The following DLGAP1 variants were observed in gnomAD, a reference collection of about 807,000 sequenced individuals.
DLGAP1 encodes disks large-associated protein 1.
DLGAP1 carries 11 observed loss-of-function variants against 90.8 expected under a neutral mutation model. The ratio of observed to expected loss-of-function variants is 0.12; its 90% confidence interval spans 0.08 to 0.20. The LOEUF (loss-of-function observed/expected upper bound fraction) is 0.20. Ranked by LOEUF, DLGAP1 falls within the 10% of genes least tolerant of loss-of-function variation. The pLI is 1.00. For synonymous variants in DLGAP1, 558 were observed against 540.7 expected (o/e 1.03, Z -0.44); for missense variants, 1,050 against 1,333.8 (o/e 0.79, Z 3.31).
intron 1 of DLGAP1, among the ~76,000 whole-genome samples, chr18:4,269,452 C>T (rs1195976364): frequency 6.6e-6 from 1 of 151,188 alleles, no homozygotes; most frequent in Non-Finnish European, 1.5e-5. Flanking sequence ...CTGCCGGGCT[C>T]ACGCCATTCT....
At chr18:4,092,463 G>C (rs1368747387) in intron 2 of DLGAP1, among the ~76,000 whole-genome samples, 1 of 152,176 alleles carries the variant, frequency 6.6e-6, no homozygotes, top group Admixed American at 6.5e-5. Flanking sequence ...TCTCCCATGA[G>C]AGATGGTTTC....
chr18:4,226,102 T>C (rs1195761824), intron 1 of DLGAP1, among the ~76,000 whole-genome samples: 1 of 152,182 alleles, frequency 6.6e-6, no homozygotes, highest in East Asian at 1.9e-4. Context: ...AGCAGACTTT[T>C]CAGTGGAAAC....
At chr18:3,589,908 AG>A (rs1237787098) in intron 7 of DLGAP1, among the ~76,000 whole-genome samples, 1 of 152,108 alleles carries the variant, frequency 6.6e-6, no homozygotes, top group Non-Finnish European at 1.5e-5. Context: ...CTCAAAAAGA[AG>A]GCCTTTATTT....
chr18:3,514,466 C>T (rs532069466), intron 10 of DLGAP1, among the ~76,000 whole-genome samples: 1 of 152,306 alleles, frequency 6.6e-6, no homozygotes, highest in Non-Finnish European at 1.5e-5. Flanking sequence ...AAGGTTACTA[C>T]GGTAGATATG....
chr18:4,172,403 C>T (rs1418582447), intron 1 of DLGAP1, among the ~76,000 whole-genome samples: 1 of 152,182 alleles, frequency 6.6e-6, no homozygotes, highest in Non-Finnish European at 1.5e-5. Flanking sequence ...GTCTTGTACA[C>T]AGGCAACTTT....
At chr18:3,683,978 G>A (rs939513066) in intron 7 of DLGAP1, among the ~76,000 whole-genome samples, 1 of 151,996 alleles carries the variant, frequency 6.6e-6, no homozygotes, top group Non-Finnish European at 1.5e-5. Flanking sequence ...TTAAATAAGG[G>A]CACAGAGAAC....
At position 3,499,133 on chromosome 18, in the gene DLGAP1, C is replaced by T. The variant is rs2049794123; in HGVS notation, c.*52G>A. 8 of 1,448,048 alleles carry T rather than the reference C, an allele frequency of 5.5e-6. No homozygotes were observed. The South Asian group carries it at 8.1e-5, about 15-fold the overall frequency. 89.7% of individuals were successfully genotyped at this position (1,448,048 alleles called of 1,614,324 possible). ...GGAGAGGCAGCCGGCAGAGGAGCGGCCGGGGGAGGAGGGGACAGATGCTTG... is the reference window on the plus strand; with the variant it reads ...GGAGAGGCAGCCGGCAGAGGAGCGGTCGGGGGAGGAGGGGACAGATGCTTG... On this transcript the variant is annotated 3_prime_UTR_variant, in exon 13 of 13. Coordinates refer to ENST00000315677, the MANE Select transcript of DLGAP1 (RefSeq NM_004746.4). This position sits in a 1 kb window ranked among gnomAD's most constrained non-coding sequence, Gnocchi z 6.4.
At chr18:3,654,333 C>A (rs996065376) in intron 7 of DLGAP1, among the ~76,000 whole-genome samples, 44 of 152,312 alleles carry the variant, frequency 2.9e-4, no homozygotes, top group Non-Finnish European at 5.9e-4. Context: ...CTGGAGAAAA[C>A]AAAACCCTGT....
intron 1 of DLGAP1, among the ~76,000 whole-genome samples, chr18:4,308,914 A>G (rs2080331284): frequency 6.6e-6 from 1 of 152,262 alleles, no homozygotes; most frequent in Non-Finnish European, 1.5e-5. Context: ...CTTTAAAGAT[A>G]CAGAGGCCAG....
At chr18:3,706,615 T>C (rs2061440870) in intron 7 of DLGAP1, among the ~76,000 whole-genome samples, 1 of 152,176 alleles carries the variant, frequency 6.6e-6, no homozygotes, top group Non-Finnish European at 1.5e-5. Flanking sequence ...AGCATAAATG[T>C]TGATGTTGGA....
At chr18:4,351,739 C>G (rs537459782) in intron 1 of DLGAP1, among the ~76,000 whole-genome samples, 1 of 152,118 alleles carries the variant, frequency 6.6e-6, no homozygotes, top group Non-Finnish European at 1.5e-5. Flanking sequence ...ATTTGTTGTA[C>G]AAATGTGGTG....
At chr18:3,567,699 C>A (rs2054515352) in intron 8 of DLGAP1, 118 bp from the exon 9 acceptor site, 18 of 867,086 alleles carry the variant, frequency 2.1e-5, no homozygotes, top group Admixed American at 2.2e-5. Flanking sequence ...TAATTTATAA[C>A]CTCCTTGTTC....
At chr18:3,908,365 T>C (rs73940277) in intron 3 of DLGAP1, among the ~76,000 whole-genome samples, 1,613 of 152,344 alleles carry the variant, frequency 0.011, 28 homozygotes, top group African/African-American at 0.036. Flanking sequence ...CATAGTTTAA[T>C]AGATTAAATA....
intron 1 of DLGAP1, among the ~76,000 whole-genome samples, chr18:4,260,215 C>T (rs550871435): frequency 2.6e-5 from 4 of 152,258 alleles, no homozygotes; most frequent in African/African-American, 9.6e-5. Flanking sequence ...GGCACAATGA[C>T]ATGTTAAAGG....
intron 5 of DLGAP1, among the ~76,000 whole-genome samples, chr18:3,779,395 C>T (rs1052668729): frequency 1.3e-5 from 2 of 152,078 alleles, no homozygotes; most frequent in African/African-American, 4.8e-5. Context: ...GTTTTTTCCC[C>T]AAAACTCCAA....
chr18:3,965,962 A>G (rs2073321101), intron 3 of DLGAP1, among the ~76,000 whole-genome samples: 1 of 149,496 alleles, frequency 6.7e-6, no homozygotes, highest in Non-Finnish European at 1.5e-5. Flanking sequence ...AAAAAAATAG[A>G]GTACAGCTAT....
chr18:3,570,337 G>T (rs1227962391), intron 8 of DLGAP1, among the ~76,000 whole-genome samples: 1 of 150,944 alleles, frequency 6.6e-6, no homozygotes, highest in Non-Finnish European at 1.5e-5. Context: ...AGAGTGCAGT[G>T]GTATGATCTC....
intron 1 of DLGAP1, among the ~76,000 whole-genome samples, chr18:4,210,416 T>C (rs2077817606): frequency 6.6e-6 from 1 of 152,224 alleles, no homozygotes; most frequent in African/African-American, 2.4e-5. Context: ...CTTGGATATC[T>C]TTTTGTTGAT....
chr18:4,437,606 T>C (rs2083433361), intron 1 of DLGAP1, among the ~76,000 whole-genome samples: 1 of 152,228 alleles, frequency 6.6e-6, no homozygotes, highest in Non-Finnish European at 1.5e-5. Flanking sequence ...AATTTGTTTT[T>C]GAATATTTCC....
Sources: allele counts gnomAD v4.1 joint callset (sites outside exome capture counted in the v4.1 genomes callset), GRCh38; gene constraint gnomAD v4.1.1; non-coding constraint Gnocchi (gnomAD v3.1); transcripts MANE v1.5; gene names NCBI Gene and HGNC (gene_info 2026-07-23, HGNC 2026-07-21).